The following SMYD3 variants were observed in gnomAD, a reference collection of about 807,000 sequenced individuals.
The protein encoded by SMYD3 is SET and MYND domain containing 3, also known as histone-lysine N-methyltransferase SMYD3.
Under a neutral mutation model 57.7 loss-of-function variants are expected in SMYD3, and 36 were observed. The ratio of observed to expected loss-of-function variants is 0.62; its 90% CI spans 0.48 to 0.82. The LOEUF (loss-of-function observed/expected upper bound fraction) is 0.82, where lower values mean the gene tolerates loss of function less well. SMYD3 is among the 40% of genes least tolerant of loss of function. The pLI is 0.00. For synonymous variants in SMYD3, 211 were observed against 195.0 expected (o/e 1.08, Z -0.68); for missense variants, 515 against 538.8 (o/e 0.96, Z 0.44).
intron 5 of SMYD3, among the ~76,000 whole-genome samples, chr1:246,017,168 T>C (rs1050928977): frequency 6.6e-6 from 1 of 152,212 alleles, no homozygotes; most frequent in Non-Finnish European, 1.5e-5. Context: ...TTTATTCTTT[T>C]TTTTTATTTT....
intron 5 of SMYD3, among the ~76,000 whole-genome samples, chr1:246,241,823 G>C (rs2063616594): frequency 6.6e-6 from 1 of 152,180 alleles, no homozygotes; most frequent in African/African-American, 2.4e-5. Flanking sequence ...AGTCTTGGGA[G>C]AGTGTATCTG....
chr1:246,355,310 G>A lies in SMYD3; in HGVS notation c.165-216C>T. The A allele has an allele frequency of 1.9e-6, 1 of 525,836 alleles. No homozygotes were observed. The highest frequency in any genetic ancestry group is 3.4e-5 in the East Asian group (1 of 29,334). 32.6% of individuals were successfully genotyped at this position (525,836 alleles called of 1,614,324 possible). ...AAAAACTAAGTCCTTTTGTCTGACAGAAGATGGCGGGGAAGAGGCAGGACC... is the reference window on the plus strand; with the variant it reads ...AAAAACTAAGTCCTTTTGTCTGACAAAAGATGGCGGGGAAGAGGCAGGACC... On this transcript the variant is annotated intron_variant, in intron 1 of 11. Transcript: ENST00000490107. The surrounding 1 kb of genome is among the most constrained non-coding windows in gnomAD (Gnocchi z 5.0).
At chr1:246,248,345 T>C (rs1157124512) in intron 5 of SMYD3, among the ~76,000 whole-genome samples, 1 of 152,166 alleles carries the variant, frequency 6.6e-6, no homozygotes, top group Non-Finnish European at 1.5e-5. Flanking sequence ...TTTTCGGATT[T>C]TGAAGGGATT....
In SMYD3 at chr1:245,764,044, T is replaced by C; in HGVS notation, c.1182A>G (p.Arg394=). Residue 394 remains arginine, a synonymous_variant, in exon 11 of 12, where the codon AGA becomes AGG. Coordinates refer to ENST00000490107, the MANE Select transcript of SMYD3 (RefSeq NM_001167740.2). ...TGTGAGATCTTGGCACACTCACCAG[T>C]CTCAGATTCTTCATTGCTTGGGGAA... ...GMFPQAMKNL[R]LAFDIMRVTH... is the part of the protein sequence containing the mutation. 6.2e-7 allele frequency: 1 copy of C among 1,611,324 alleles called. No individual in the cohort carries two copies. The highest frequency in any genetic ancestry group is 1.1e-5 in the South Asian group (1 of 91,014).
At chr1:246,027,683 A>G (rs955660438) in intron 5 of SMYD3, among the ~76,000 whole-genome samples, 2 of 152,236 alleles carry the variant, frequency 1.3e-5, no homozygotes, top group African/African-American at 4.8e-5. Flanking sequence ...GCACCTAGTC[A>G]TCCAAGAGCT....
At chr1:246,395,142 G>C (rs1258644597) in intron 1 of SMYD3, among the ~76,000 whole-genome samples, 1 of 152,226 alleles carries the variant, frequency 6.6e-6, no homozygotes, top group African/African-American at 2.4e-5. Flanking sequence ...CCTGGGACAA[G>C]CAGTCAACAG....
chr1:245,879,998 T>C (rs937278173), intron 8 of SMYD3, among the ~76,000 whole-genome samples: 1 of 151,214 alleles, frequency 6.6e-6, no homozygotes, highest in Non-Finnish European at 1.5e-5. Context: ...ACACCAGAGA[T>C]AGCACAGGTG....
chr1:246,436,493 C>T (rs6681645), intron 1 of SMYD3, among the ~76,000 whole-genome samples: 150,614 of 152,350 alleles, frequency 0.99, 74,473 homozygotes, highest in East Asian at 1. Flanking sequence ...CTTCCCTTAA[C>T]ATTGACATCA....
chr1:246,188,303 T>C (rs2148314284), intron 5 of SMYD3, among the ~76,000 whole-genome samples: 1 of 152,282 alleles, frequency 6.6e-6, no homozygotes. Flanking sequence ...GATTGGACTC[T>C]GAAAAGAGGA....
intron 10 of SMYD3, among the ~76,000 whole-genome samples, chr1:245,840,235 C>T (rs1444298822): frequency 1.3e-5 from 2 of 151,854 alleles, no homozygotes; most frequent in Non-Finnish European, 2.9e-5. Flanking sequence ...ATACCCATGC[C>T]GAATACATCA....
At chr1:246,122,232 A>C (rs374124418) in intron 5 of SMYD3, among the ~76,000 whole-genome samples, 1 of 150,864 alleles carries the variant, frequency 6.6e-6, no homozygotes, top group South Asian at 2.1e-4. Context: ...CAACATGGCA[A>C]GATCCCATCT....
At chr1:245,857,570 G>T (rs1419871840) in intron 10 of SMYD3, among the ~76,000 whole-genome samples, 2 of 152,196 alleles carry the variant, frequency 1.3e-5, no homozygotes, top group Non-Finnish European at 2.9e-5. Context: ...GGAAATTAAA[G>T]ATCTGCCCAG....
intron 5 of SMYD3, among the ~76,000 whole-genome samples, chr1:246,291,333 T>A (rs1014655052): frequency 6.6e-6 from 1 of 152,212 alleles, no homozygotes; most frequent in Admixed American, 6.5e-5. Context: ...AAGAGTTGCA[T>A]GGAAAGTATA....
rs373240122 is a variant in SMYD3 at position 246,260,667 on chromosome 1, G to A, written c.531+66534C>T. Among the ~76,000 whole-genome samples the A allele has an allele frequency of 2.3e-4, 35 of 151,844 alleles. No individual in the cohort carries two copies. In the South Asian group the frequency reaches 4.0e-3, roughly 17 times the overall value. On this transcript the variant is annotated intron_variant, in intron 5 of 11. Transcript: ENST00000490107. ...AGGATGGTCTCGATCTCTTGACCTCGTGATCCACCCGCCTCAGCCTCCCAA... is the reference window on the plus strand; with the variant it reads ...AGGATGGTCTCGATCTCTTGACCTCATGATCCACCCGCCTCAGCCTCCCAA...
chr1:245,890,961 C>T (rs1187354296), intron 8 of SMYD3, among the ~76,000 whole-genome samples: 2 of 152,178 alleles, frequency 1.3e-5, no homozygotes, highest in African/African-American at 4.8e-5. Flanking sequence ...TTAAACTAGC[C>T]AGACACAGAA....
At chr1:246,255,441 G>C (rs1259761135) in intron 5 of SMYD3, among the ~76,000 whole-genome samples, 1 of 151,724 alleles carries the variant, frequency 6.6e-6, no homozygotes, top group Non-Finnish European at 1.5e-5. Context: ...ATGATCATAT[G>C]GTCTTTATTT....
intron 5 of SMYD3, among the ~76,000 whole-genome samples, chr1:246,323,344 G>A (rs2065282122): frequency 6.6e-6 from 1 of 152,102 alleles, no homozygotes; most frequent in Non-Finnish European, 1.5e-5. Flanking sequence ...GGAATATCTG[G>A]GAATATGACC....
chr1:245,774,307 G>C (rs957303948), intron 10 of SMYD3, among the ~76,000 whole-genome samples: 1 of 152,140 alleles, frequency 6.6e-6, no homozygotes, highest in African/African-American at 2.4e-5. Context: ...TATTTGGAAT[G>C]GTAAGTAAGA....
chr1:246,394,170 C>T (rs1419002578), intron 1 of SMYD3, among the ~76,000 whole-genome samples: 1 of 152,160 alleles, frequency 6.6e-6, no homozygotes, highest in East Asian at 1.9e-4. Context: ...TCAATAAGTA[C>T]CTAAAATATT....
Sources: gnomAD v4.1 joint callset for allele counts (sites outside exome capture counted in the v4.1 genomes callset) on GRCh38, gnomAD v4.1.1 for gene constraint, Gnocchi (gnomAD v3.1) non-coding constraint, MANE v1.5 for transcripts, NCBI Gene and HGNC (gene_info 2026-07-23, HGNC 2026-07-21) for gene names.